Variants in AKR1C3 observed in about 807,000 individuals in gnomAD.
AKR1C3 encodes the protein 3-alpha hydroxysteroid dehydrogenase, type II.
A neutral mutation model predicts 43.6 loss-of-function variants in AKR1C3; 48 were observed. The ratio of observed to expected loss-of-function variants is 1.10; its 90% CI spans 0.87 to 1.40. The LOEUF is 1.40. Among genes scored for constraint, AKR1C3 ranks in the 40% most tolerant of loss-of-function variants. AKR1C3 has a pLI of 0.00. For missense variants in AKR1C3, 482 were observed against 391.2 expected (o/e 1.23, Z -1.96); for synonymous variants, 162 against 139.6 (o/e 1.16, Z -1.13).
chr10:5,054,329 C>T (rs146464055), intron 1 of AKR1C3, among the ~76,000 whole-genome samples: 5,521 of 152,272 alleles, frequency 0.036, 134 homozygotes, highest in South Asian at 0.055. Context: ...CCAGCTATTC[C>T]GGTTCCTGTA....
At chr10:5,059,796 G>C (rs1231793858) in intron 1 of AKR1C3, among the ~76,000 whole-genome samples, 1 of 151,890 alleles carries the variant, frequency 6.6e-6, no homozygotes, top group Non-Finnish European at 1.5e-5. Context: ...CTCGGCGATA[G>C]TCTCACCCCT....
At position 5,060,739 on chromosome 10, in the gene AKR1C3, G is replaced by A. The variant is rs188690053; in HGVS notation, c.84+11844G>A. Among the ~76,000 whole-genome samples the A allele has an allele frequency of 3.9e-4, 59 of 152,084 alleles. No homozygotes were observed. In the East Asian group the frequency reaches 0.011, roughly 28 times the overall value. Reference sequence around the variant, plus strand: ...GGGACTTGGCGCTGTGGAGCAGGGGGTGGCACTTGTTGGGGAGGCTCAGGC... The same window carrying A: ...GGGACTTGGCGCTGTGGAGCAGGGGATGGCACTTGTTGGGGAGGCTCAGGC... On this transcript the variant is annotated intron_variant, in intron 1 of 8. Coordinates refer to the AKR1C3 transcript ENST00000439082.
intron 1 of AKR1C3, among the ~76,000 whole-genome samples, chr10:5,053,498 C>T (rs1554779208): frequency 1.3e-5 from 2 of 152,242 alleles, no homozygotes; most frequent in Non-Finnish European, 2.9e-5. Context: ...CACCTCCCTG[C>T]AAGCTGAGGG....
chr10:5,053,577 C>T (rs1554779215), intron 1 of AKR1C3, among the ~76,000 whole-genome samples: 2 of 152,232 alleles, frequency 1.3e-5, no homozygotes, highest in Non-Finnish European at 2.9e-5. Context: ...GAGGGCTGCT[C>T]AAGCATGGCC....
At chr10:5,096,833 G>C (rs1030809355) in intron 2 of AKR1C3, among the ~76,000 whole-genome samples, 2 of 152,096 alleles carry the variant, frequency 1.3e-5, no homozygotes, top group East Asian at 3.9e-4. Flanking sequence ...GATTTGACAT[G>C]TGCTATAGAA....
upstream of AKR1C3, chr10:5,093,495 A>C (rs1411211341): frequency 6.6e-6 from 1 of 152,142 alleles, no homozygotes; most frequent in African/African-American, 2.4e-5. Context: ...ATCATGTTCT[A>C]ATCTGCCCTC....
intron 1 of AKR1C3, among the ~76,000 whole-genome samples, chr10:5,070,456 G>A (rs1387239681): frequency 1.3e-5 from 2 of 152,250 alleles, no homozygotes; most frequent in Non-Finnish European, 2.9e-5. Context: ...TACAGAATTT[G>A]TGGGGGTTTA....
chr10:5,098,257 C>CT (rs1296224464), intron 3 of AKR1C3: 35 of 920,522 alleles, frequency 3.8e-5, no homozygotes, highest in African/African-American at 1.4e-4. Flanking sequence ...AACTCCAACA[C>CT]TTTTTTTTAT....
intron 1 of AKR1C3, among the ~76,000 whole-genome samples, chr10:5,054,956 T>C (rs923263268): frequency 4.6e-5 from 7 of 152,264 alleles, no homozygotes; most frequent in African/African-American, 1.7e-4. Flanking sequence ...CCTTATGGTA[T>C]TTAATGGGGG....
chr10:5,101,903 AGAAATGGCATT>A lies in AKR1C3; in HGVS notation c.571-197_571-187del, dbSNP rs557335074. Among the ~76,000 whole-genome samples the A allele has an allele frequency of 4.6e-5, 7 of 152,360 alleles. No individual in the cohort carries two copies. The South Asian group carries it at 1.4e-3, about 32-fold the overall frequency. On this transcript the variant is annotated intron_variant, in intron 5 of 8. Transcript: ENST00000380554. ...CTGATTCATAGATGAGCTTCTGTTC[AGAAATGGCATT>A]TCCATTTATACTTTTAGAAGATATA...
intron 1 of AKR1C3, among the ~76,000 whole-genome samples, chr10:5,060,026 G>A (rs1838349871): frequency 6.6e-6 from 1 of 152,280 alleles, no homozygotes; most frequent in Middle Eastern, 3.4e-3. Flanking sequence ...GAGTGAAGCT[G>A]CAGACCTTTG....
At chr10:5,092,036 A>G (rs1479801120), upstream of AKR1C3, among the ~76,000 whole-genome samples, 1 of 148,878 alleles carries the variant, frequency 6.7e-6, no homozygotes, top group Non-Finnish European at 1.5e-5. Context: ...ATAACTTTCT[A>G]ATTAAAAAAA....
chr10:5,091,459 C>T (rs1839086834), upstream of AKR1C3, among the ~76,000 whole-genome samples: 1 of 152,130 alleles, frequency 6.6e-6, no homozygotes, highest in Non-Finnish European at 1.5e-5. Flanking sequence ...ACTGCAATTA[C>T]TTTGTCATTT....
chr10:5,084,766 G>A (rs1838923407), intron 1 of AKR1C3, among the ~76,000 whole-genome samples: 1 of 152,130 alleles, frequency 6.6e-6, no homozygotes, highest in African/African-American at 2.4e-5. Context: ...GTAGTGGTTT[G>A]TAGTTCTCCT....
intron 1 of AKR1C3, among the ~76,000 whole-genome samples, chr10:5,082,391 T>C (rs1838856288): frequency 1.3e-5 from 2 of 152,318 alleles, no homozygotes; most frequent in African/African-American, 4.8e-5. Flanking sequence ...TTTTCAAGTT[T>C]TCTCCATGCA....
At chr10:5,081,512 A>G (rs1340565869) in intron 1 of AKR1C3, among the ~76,000 whole-genome samples, 1 of 152,196 alleles carries the variant, frequency 6.6e-6, no homozygotes, top group East Asian at 1.9e-4. Context: ...TATATAAGAA[A>G]TATATTTTGT....
chr10:5,050,117 G>T (rs952265145), intron 1 of AKR1C3, among the ~76,000 whole-genome samples: 6 of 152,150 alleles, frequency 3.9e-5, no homozygotes, highest in Non-Finnish European at 1.5e-5. Context: ...CAACCTTGTG[G>T]TCCAGGTGCC....
intron 1 of AKR1C3, among the ~76,000 whole-genome samples, chr10:5,059,929 G>T (rs1554780037): frequency 6.6e-6 from 1 of 152,126 alleles, no homozygotes; most frequent in Non-Finnish European, 1.5e-5. Context: ...GTTCTTAAAG[G>T]CAGCATGTCT....
upstream of AKR1C3, among the ~76,000 whole-genome samples, chr10:5,092,611 G>A (rs782800643): frequency 2.7e-5 from 4 of 150,862 alleles, no homozygotes; most frequent in South Asian, 2.1e-4. Flanking sequence ...CAGTTATATC[G>A]TTCAGCTCCA....
Sources: gnomAD v4.1 joint callset for allele counts (sites outside exome capture counted in the v4.1 genomes callset) on GRCh38, gnomAD v4.1.1 for gene constraint, MANE v1.5 for transcripts, NCBI Gene and HGNC (gene_info 2026-07-23, HGNC 2026-07-21) for gene names.